Variants in JPH3 observed in about 807,000 individuals in gnomAD.
The protein encoded by JPH3 is junctophilin-3.
A neutral mutation model predicts 59.6 loss-of-function variants in JPH3; 11 were observed. The observed-to-expected ratio is 0.18, with a 90% CI of 0.12 to 0.31. The LOEUF (loss-of-function observed/expected upper bound fraction) is 0.31, where lower values mean the gene tolerates loss of function less well. Ranked by LOEUF, JPH3 falls within the 10% of genes least tolerant of loss-of-function variation. The pLI is 1.00. For synonymous variants in JPH3, 673 were observed against 483.6 expected (o/e 1.39, Z -5.14); for missense variants, 1,202 against 1,105.7 (o/e 1.09, Z -1.24).
At chr16:87,653,333 C>T (rs141182321) in intron 2 of JPH3, among the ~76,000 whole-genome samples, 49 of 152,294 alleles carry the variant, frequency 3.2e-4, no homozygotes, top group African/African-American at 1.0e-3. Context: ...CCTGCCTGTC[C>T]CCGCTCTGCT....
In JPH3 at chr16:87,690,133, C is replaced by G. The variant is rs1394630396; in HGVS notation, c.1773C>G (p.Ser591Arg). ...VFTWTSHHRA[S>R]NHSPGGSRLL... ...CGTGGACTTCCCACCACCGGGCCAG[C>G]AACCACAGCCCCGGAGGCTCCAGGC... Residue 591 changes from serine (S) to arginine (R), a missense_variant, in exon 4 of 5, where the codon AGC (serine) becomes AGG (arginine). Transcript: ENST00000284262. The G allele has an allele frequency of 1.1e-5, 18 of 1,592,520 alleles. No homozygotes were observed. The Admixed American group carries it at 3.1e-4, about 27-fold the overall frequency.
At chr16:87,647,914 G>T (rs2032206098) in intron 2 of JPH3, among the ~76,000 whole-genome samples, 1 of 152,252 alleles carries the variant, frequency 6.6e-6, no homozygotes, top group African/African-American at 2.4e-5. Context: ...CCCACATCCA[G>T]CCTGGGCTGT....
chr16:87,649,267 C>T (rs1267441257), intron 2 of JPH3, among the ~76,000 whole-genome samples: 2 of 152,224 alleles, frequency 1.3e-5, no homozygotes, highest in African/African-American at 4.8e-5. Context: ...ATGGCCCCAT[C>T]CTGCCGTGTC....
chr16:87,660,012 T>C (rs2032649313), intron 2 of JPH3, among the ~76,000 whole-genome samples: 1 of 152,148 alleles, frequency 6.6e-6, no homozygotes, highest in Non-Finnish European at 1.5e-5. Flanking sequence ...TCCTTGTCCC[T>C]GTCACTCCTA....
At chr16:87,607,633 C>T (rs548764960) in intron 1 of JPH3, among the ~76,000 whole-genome samples, 1 of 152,366 alleles carries the variant, frequency 6.6e-6, no homozygotes, top group East Asian at 1.9e-4. Flanking sequence ...CCATTTTAAA[C>T]ACACGTTTAT....
At chr16:87,677,145 T>C (rs376438580) in intron 2 of JPH3, among the ~76,000 whole-genome samples, 3 of 134,534 alleles carry the variant, frequency 2.2e-5, no homozygotes, top group African/African-American at 2.9e-5. Context: ...GGCGACAGAG[T>C]GGGACTCCAT....
intron 2 of JPH3, among the ~76,000 whole-genome samples, chr16:87,679,462 C>T (rs2033231722): frequency 6.6e-6 from 1 of 152,196 alleles, no homozygotes; most frequent in Non-Finnish European, 1.5e-5. Flanking sequence ...CTTCCCTCTT[C>T]CATCCTGGCA....
At chr16:87,669,391 AG>A (rs1319838696) in intron 2 of JPH3, among the ~76,000 whole-genome samples, 1 of 152,208 alleles carries the variant, frequency 6.6e-6, no homozygotes, top group Non-Finnish European at 1.5e-5. Flanking sequence ...TTAGGCTAAA[AG>A]CCTAGTGCTG....
At chr16:87,671,200 C>T (rs1022917411) in intron 2 of JPH3, among the ~76,000 whole-genome samples, 2 of 152,188 alleles carry the variant, frequency 1.3e-5, no homozygotes, top group South Asian at 2.1e-4. Flanking sequence ...TGCACAGACA[C>T]GTCTCTCTGT....
At chr16:87,658,142 A>G (rs1343261219) in intron 2 of JPH3, among the ~76,000 whole-genome samples, 1 of 152,148 alleles carries the variant, frequency 6.6e-6, no homozygotes, top group African/African-American at 2.4e-5. Flanking sequence ...GCCCAACACC[A>G]ACCTGGGTGC....
chr16:87,619,829 C>G (rs867471979), intron 1 of JPH3, among the ~76,000 whole-genome samples: 7 of 152,288 alleles, frequency 4.6e-5, no homozygotes, highest in African/African-American at 1.2e-4. Context: ...GCACAGCTTC[C>G]TGCGGGGCAC....
intron 1 of JPH3, among the ~76,000 whole-genome samples, chr16:87,617,866 T>C (rs1222298643): frequency 6.6e-6 from 1 of 151,844 alleles, no homozygotes; most frequent in Non-Finnish European, 1.5e-5. Context: ...TGGCATTGAA[T>C]AGTGCGAGGG....
intron 1 of JPH3, among the ~76,000 whole-genome samples, chr16:87,642,071 G>T (rs1341720681): frequency 6.6e-6 from 1 of 152,152 alleles, no homozygotes; most frequent in Non-Finnish European, 1.5e-5. Context: ...GCCTTGGACA[G>T]AAAAGCCTGG....
intron 1 of JPH3, among the ~76,000 whole-genome samples, chr16:87,617,799 G>A (rs775230518): frequency 1.1e-3 from 167 of 152,222 alleles, no homozygotes; most frequent in Non-Finnish European, 2.0e-3. Flanking sequence ...GCAGGGGTGC[G>A]TCCATGGTGG....
intron 2 of JPH3, among the ~76,000 whole-genome samples, chr16:87,659,077 G>C (rs563453404): frequency 1.5e-4 from 23 of 152,154 alleles, no homozygotes; most frequent in African/African-American, 5.6e-4. Context: ...GCTTTGTCGC[G>C]ACGGCTGCTG....
At chr16:87,635,075 G>A (rs1422262385) in intron 1 of JPH3, among the ~76,000 whole-genome samples, 1 of 152,198 alleles carries the variant, frequency 6.6e-6, no homozygotes, top group African/African-American at 2.4e-5. Context: ...CCTGGGTGGG[G>A]GCTTTTGCCT....
Position 87,689,611 on chromosome 16 carries a change from A to G in JPH3, c.1286-35A>G, listed in dbSNP as rs563940443. The stretch of plus-strand genomic sequence containing the variant: ...GGCCTCGCTGTGGAATGTGCTGGGT[A>G]ACGCCGTCTGGCGTCGTCTTGTGTC... On this transcript the variant is annotated intron_variant, in intron 3 of 4. Transcript: ENST00000284262. 2.5e-4 allele frequency: 398 copies of G among 1,601,376 alleles called. 8 individuals are homozygous for G. In the South Asian group the frequency reaches 4.2e-3, roughly 17 times the overall value.
In JPH3 at chr16:87,644,470, G is replaced by A. The variant is rs9934067; in HGVS notation, c.595G>A (p.Val199Met). ...PAVSRGGFVL[V>M]AHSDSEILKS... ...CGTGTCCCGCGGGGGCTTCGTGCTC[G>A]TGGCCCACAGTGACTCCGAGATCCT... Residue 199 changes from valine to methionine, a missense_variant, in exon 2 of 5, where the codon GTG (valine) becomes ATG (methionine). By Grantham distance (21) the Val-to-Met change is conservative (BLOSUM62 1). Transcript: ENST00000284262. 2,409 of 1,612,708 alleles carry A rather than the reference G, an allele frequency of 1.5e-3. 27 individuals are homozygous for A. In the African/African-American group the frequency reaches 0.028, roughly 19 times the overall value.
At chr16:87,689,459 C>T (rs1364665715) in intron 3 of JPH3, among the ~76,000 whole-genome samples, 187 bp from the exon 4 acceptor site, 3 of 152,196 alleles carry the variant, frequency 2.0e-5, no homozygotes, top group South Asian at 2.1e-4. Flanking sequence ...GTGGGGACCA[C>T]GGGGGTCCCA....
Sources: gnomAD v4.1 joint callset for allele counts (sites outside exome capture counted in the v4.1 genomes callset) on GRCh38, gnomAD v4.1.1 for gene constraint, MANE v1.5 for transcripts, NCBI Gene and HGNC (gene_info 2026-07-23, HGNC 2026-07-21) for gene names.